Variants in MITF observed in about 807,000 individuals in gnomAD.
MITF encodes microphthalmia-associated transcription factor.
MITF carries 17 observed loss-of-function variants against 60.5 expected under a neutral mutation model. The ratio of observed to expected loss-of-function variants is 0.28; its 90% CI spans 0.19 to 0.42. MITF has a LOEUF of 0.42. MITF is among the 10% of genes least tolerant of loss of function. MITF has a pLI of 1.00. For missense variants in MITF, 622 were observed against 683.5 expected, an observed-to-expected ratio of 0.91 and a Z score of 1.00; for synonymous variants, 260 against 248.5, an observed-to-expected ratio of 1.05 and a Z score of -0.43.
chr3:69,940,066 T>C (rs998291262), intron 4 of MITF, among the ~76,000 whole-genome samples: 1 of 152,198 alleles, frequency 6.6e-6, no homozygotes, highest in Non-Finnish European at 1.5e-5. Flanking sequence ...TTTTGAGTGT[T>C]TACTATGTTC....
chr3:69,869,077 C>A (rs142626767), intron 1 of MITF, among the ~76,000 whole-genome samples: 43 of 152,224 alleles, frequency 2.8e-4, no homozygotes, highest in African/African-American at 9.4e-4. Context: ...CTGGATGATT[C>A]AAGCAAATGG....
intron 1 of MITF, among the ~76,000 whole-genome samples, chr3:69,745,044 T>C (rs1703670222): frequency 1.3e-5 from 2 of 152,122 alleles, no homozygotes; most frequent in African/African-American, 4.8e-5. Context: ...CTGCATGAGG[T>C]GATCATAATA....
intron 9 of MITF, among the ~76,000 whole-genome samples, chr3:69,961,575 A>G (rs1214383281): frequency 6.6e-6 from 1 of 150,872 alleles, no homozygotes; most frequent in Admixed American, 6.6e-5. Flanking sequence ...AAAAGAAAAG[A>G]AAAGAAAAAT....
intron 1 of MITF, among the ~76,000 whole-genome samples, chr3:69,835,015 C>CTTTTTTTTTTTTTTT (rs142347719): frequency 4.4e-5 from 3 of 68,534 alleles, no homozygotes; most frequent in East Asian, 4.3e-4. Flanking sequence ...GCTCTTTTAC[C>CTTTTTTTTTTTTTTT]TTTTTTTTTT....
chr3:69,915,135 G>A (rs2065306044), intron 2 of MITF, among the ~76,000 whole-genome samples: 1 of 152,122 alleles, frequency 6.6e-6, no homozygotes, highest in South Asian at 2.1e-4. Flanking sequence ...TAGATTCAGA[G>A]ATAGTTATTA....
intron 1 of MITF, among the ~76,000 whole-genome samples, chr3:69,807,493 A>C (rs2063028554): frequency 6.6e-6 from 1 of 152,240 alleles, no homozygotes; most frequent in South Asian, 2.1e-4. Flanking sequence ...TGTGGAACAA[A>C]GACCTTTTAT....
At chr3:69,939,253 T>C in intron 4 of MITF, 72 bp downstream of exon 4, 1 of 1,383,588 alleles carries the variant, frequency 7.2e-7, no homozygotes, top group East Asian at 2.3e-5. Flanking sequence ...GGATCACACC[T>C]TCCTGAAAAC....
chr3:69,964,198 A>C (rs2874270), intron 9 of MITF, among the ~76,000 whole-genome samples: 1 of 151,576 alleles, frequency 6.6e-6, no homozygotes, highest in Non-Finnish European at 1.5e-5. Flanking sequence ...GGCTGATCTC[A>C]AACTCCTGAC....
chr3:69,874,312 A>G (rs1013037397), intron 1 of MITF, among the ~76,000 whole-genome samples: 1 of 152,224 alleles, frequency 6.6e-6, no homozygotes, highest in Non-Finnish European at 1.5e-5. Context: ...CATTGGCTAA[A>G]CTTTACAAGA....
chr3:69,787,073 TGA>T (rs148567536), intron 1 of MITF, among the ~76,000 whole-genome samples: 1 of 151,752 alleles, frequency 6.6e-6, no homozygotes, highest in Non-Finnish European at 1.5e-5. Flanking sequence ...CCGCATGTGG[TGA>T]GAGAGAGAGA....
chr3:69,834,827 C>CTAA (rs1239503730), intron 1 of MITF, among the ~76,000 whole-genome samples: 1 of 148,728 alleles, frequency 6.7e-6, no homozygotes. Flanking sequence ...CACATCCTCA[C>CTAA]TAATACTTGT....
chr3:69,888,991 C>T (rs1186335656), intron 2 of MITF, among the ~76,000 whole-genome samples: 5 of 130,314 alleles, frequency 3.8e-5, no homozygotes, highest in African/African-American at 1.2e-4. Context: ...TTGAATCCTT[C>T]GTCTGGTAAG....
intron 1 of MITF, among the ~76,000 whole-genome samples, chr3:69,798,682 C>T (rs2062869385): frequency 6.6e-6 from 1 of 152,260 alleles, no homozygotes; most frequent in Admixed American, 6.5e-5. Context: ...ATGGTCTGGC[C>T]TTTGCCAACC....
Position 69,929,741 on chromosome 3 carries a change from G to C in MITF, c.355-8081G>C, listed in dbSNP as rs11917655. On this transcript the variant is annotated intron_variant, in intron 2 of 9. Transcript: ENST00000352241. Reference sequence around the variant, plus strand: ...CTATTCATTGTATTGAAAATACACCGTCAGAGTGCCAAGACAGAAGCAGGT... The same window carrying C: ...CTATTCATTGTATTGAAAATACACCCTCAGAGTGCCAAGACAGAAGCAGGT... 8.5e-3 allele frequency among the ~76,000 whole-genome samples: 1,289 copies of C among 152,066 alleles called. 13 individuals carry two copies. The highest frequency in any genetic ancestry group is 0.029 in the African/African-American group (1,207 of 41,468).
chr3:69,843,106 C>G (rs1050896851), intron 1 of MITF, among the ~76,000 whole-genome samples: 2 of 152,026 alleles, frequency 1.3e-5, no homozygotes, highest in Admixed American at 1.3e-4. Flanking sequence ...GGGACTATAA[C>G]CTTGAGTACT....
chr3:69,824,104 C>T (rs935324901), intron 1 of MITF, among the ~76,000 whole-genome samples: 2 of 152,142 alleles, frequency 1.3e-5, no homozygotes, highest in African/African-American at 2.4e-5. Context: ...CTGATATTGT[C>T]AATGGCTGTT....
At chr3:69,941,700 A>C (rs930024814) in intron 5 of MITF, among the ~76,000 whole-genome samples, 1 of 152,178 alleles carries the variant, frequency 6.6e-6, no homozygotes. Flanking sequence ...AAGTTGGTTC[A>C]GTTTTTCAAG....
intron 2 of MITF, among the ~76,000 whole-genome samples, chr3:69,927,249 A>G (rs1013956297): frequency 1.3e-5 from 2 of 152,144 alleles, no homozygotes; most frequent in African/African-American, 4.8e-5. Context: ...CTCATTAAAT[A>G]TTGTTAGATT....
intron 1 of MITF, among the ~76,000 whole-genome samples, chr3:69,747,599 A>C (rs1703777317): frequency 1.3e-5 from 2 of 152,372 alleles, no homozygotes; most frequent in African/African-American, 2.4e-5. Flanking sequence ...GACTGAAGTT[A>C]ACATATGAAT....
Sources: gnomAD v4.1 joint callset for allele counts (sites outside exome capture counted in the v4.1 genomes callset) on GRCh38, gnomAD v4.1.1 for gene constraint, MANE v1.5 for transcripts, NCBI Gene and HGNC (gene_info 2026-07-23, HGNC 2026-07-21) for gene names.